AZIN1: variants seen among roughly 807,000 people sequenced by gnomAD.
AZIN1 encodes antizyme inhibitor 1, also known as ornithine decarboxylase antizyme inhibitor.
A neutral mutation model predicts 47.4 loss-of-function variants in AZIN1; 12 were observed. That is an observed-to-expected ratio of 0.25 (90% CI 0.16 to 0.41). The LOEUF (loss-of-function observed/expected upper bound fraction) is 0.41. Ranked by LOEUF, AZIN1 falls within the 10% of genes least tolerant of loss-of-function variation. The pLI is 1.00. For synonymous variants in AZIN1, 155 were observed against 176.3 expected (o/e 0.88, Z 0.96); for missense variants, 410 against 532.4 (o/e 0.77, Z 2.26).
At chr8:102,844,814 A>G (rs2570939) in intron 2 of AZIN1, among the ~76,000 whole-genome samples, 70,206 of 151,928 alleles carry the variant, frequency 0.46, 16,340 homozygotes, top group Admixed American at 0.5. Flanking sequence ...TTTTAAAAAG[A>G]CTTTAGGCTA....
chr8:102,835,561 T>C (rs958984925), intron 6 of AZIN1: 37 of 152,392 alleles, frequency 2.4e-4, no homozygotes, highest in African/African-American at 8.4e-4. Context: ...GGCAGGAAGA[T>C]TGCTTGAGCC....
intron 3 of AZIN1, among the ~76,000 whole-genome samples, chr8:102,841,803 T>TAAAAA (rs1280642913): frequency 1.6e-5 from 2 of 123,002 alleles, no homozygotes; most frequent in African/African-American, 6.4e-5. Context: ...TATATATATA[T>TAAAAA]ATAAAAAAAA....
intron 2 of AZIN1, among the ~76,000 whole-genome samples, chr8:102,856,379 A>G (rs1044803235): frequency 1.3e-5 from 2 of 152,192 alleles, no homozygotes; most frequent in African/African-American, 2.4e-5. Flanking sequence ...TTTAGCTTCT[A>G]TCTGCTCCCA....
intron 1 of AZIN1, among the ~76,000 whole-genome samples, chr8:102,863,278 G>A (rs978475275): frequency 6.6e-6 from 1 of 152,060 alleles, no homozygotes; most frequent in Non-Finnish European, 1.5e-5. Flanking sequence ...GCCGGCGCGG[G>A]GCCCGCCCCG....
intron 9 of AZIN1, among the ~76,000 whole-genome samples, chr8:102,830,862 T>G (rs1811410342): frequency 1.3e-5 from 2 of 152,246 alleles, no homozygotes. Flanking sequence ...TGTGTGTGTG[T>G]AGAGACAGGG....
At chr8:102,838,227 A>T (rs1047444994) in intron 5 of AZIN1, among the ~76,000 whole-genome samples, 1 of 152,256 alleles carries the variant, frequency 6.6e-6, no homozygotes, top group Non-Finnish European at 1.5e-5. Context: ...AGATGCAAGT[A>T]AAAAATTAAA....
In AZIN1 at chr8:102,837,192, T is replaced by G. The variant is rs143021258; in HGVS notation, c.450-802A>C. Reference sequence around the variant, plus strand: ...GCCTCGGCCTCCCCAAGTGCTGGGATTACAGGCATGAGCTACTGCGCCCAA... The same window carrying G: ...GCCTCGGCCTCCCCAAGTGCTGGGAGTACAGGCATGAGCTACTGCGCCCAA... On this transcript the variant is annotated intron_variant, in intron 5 of 11. Coordinates refer to ENST00000337198, the MANE Select transcript of AZIN1 (RefSeq NM_148174.4). Among the ~76,000 whole-genome samples, 709 of 152,340 alleles carry G rather than the reference T, an allele frequency of 4.7e-3. 6 individuals carry two copies. The highest frequency in any genetic ancestry group is 0.016 in the African/African-American group (684 of 41,574).
chr8:102,848,837 A>G (rs1812747402), intron 2 of AZIN1, among the ~76,000 whole-genome samples: 1 of 152,340 alleles, frequency 6.6e-6, no homozygotes, highest in Non-Finnish European at 1.5e-5. Flanking sequence ...GCACTAAGAA[A>G]TATTTTGCCA....
chr8:102,842,328 G>A (rs1232407574), intron 3 of AZIN1, among the ~76,000 whole-genome samples: 1 of 152,176 alleles, frequency 6.6e-6, no homozygotes, highest in Non-Finnish European at 1.5e-5. Flanking sequence ...CCAACACTCT[G>A]GGAGGCTGAG....
intron 6 of AZIN1, 121 bp downstream of exon 6, chr8:102,836,134 TA>T (rs1330218251): frequency 8.9e-7 from 1 of 1,118,428 alleles, no homozygotes; most frequent in African/African-American, 1.6e-5. Context: ...ACATGTGTGT[TA>T]AAAGACTAGA....
chr8:102,854,182 G>A (rs1813113556), intron 2 of AZIN1, among the ~76,000 whole-genome samples: 1 of 151,934 alleles, frequency 6.6e-6, no homozygotes, highest in South Asian at 2.1e-4. Context: ...CAGATGATCT[G>A]CCGGCCTCAG....
At chr8:102,842,717 A>C (rs1372894936) in intron 3 of AZIN1, among the ~76,000 whole-genome samples, 5 of 144,088 alleles carry the variant, frequency 3.5e-5, no homozygotes, top group South Asian at 4.5e-4. Flanking sequence ...AAAAAAAAAA[A>C]CAAAAAACAA....
intron 9 of AZIN1, among the ~76,000 whole-genome samples, chr8:102,831,549 A>G (rs1203852932): frequency 6.6e-6 from 1 of 150,398 alleles, no homozygotes; most frequent in East Asian, 2.0e-4. Flanking sequence ...AGGCTGAGGC[A>G]GGAGAATTGC....
At chr8:102,847,206 TACATTA>T (rs1812618885) in intron 2 of AZIN1, among the ~76,000 whole-genome samples, 1 of 152,076 alleles carries the variant, frequency 6.6e-6, no homozygotes, top group Non-Finnish European at 1.5e-5. Flanking sequence ...ACAGATGTAG[TACATTA>T]ACATTTGTTT....
At position 102,834,728 on chromosome 8, in the gene AZIN1, A is replaced by C; in HGVS notation, c.604T>G (p.Cys202Gly). 6.2e-7 allele frequency: 1 copy of C among 1,611,672 alleles called. No homozygotes were observed. Among genetic ancestry groups the C allele is most frequent in the Non-Finnish European group, 8.5e-7 (1 of 1,178,530 alleles). ...IGVKFHVSSA[C>G]KESQVYVHAL... Reference sequence around the variant, plus strand: ...TGTACATATACTTGAGATTCTTTGCAAGCACTCGAAACATGAAATCTGAAA... The same window carrying C: ...TGTACATATACTTGAGATTCTTTGCCAGCACTCGAAACATGAAATCTGAAA... Residue 202 changes from cysteine to glycine, a missense_variant, in exon 7 of 12, where the codon TGC becomes GGC. Coordinates refer to ENST00000337198, the MANE Select transcript of AZIN1 (RefSeq NM_148174.4).
At chr8:102,861,062 A>T (rs1377322943) in intron 1 of AZIN1, among the ~76,000 whole-genome samples, 1 of 152,252 alleles carries the variant, frequency 6.6e-6, no homozygotes, top group East Asian at 1.9e-4. Flanking sequence ...TCCAAATAAA[A>T]GTCTCGAACG....
At chr8:102,839,609 A>G (rs1346628534) in intron 4 of AZIN1, 41 bp downstream of exon 4, 2 of 1,401,840 alleles carry the variant, frequency 1.4e-6, no homozygotes, top group Non-Finnish European at 1.9e-6. Context: ...AAGTTAAATT[A>G]TTCAATGTTT....
Position 102,843,616 on chromosome 8 carries a change from C to A in AZIN1, c.37G>T (p.Gly13Cys), listed in dbSNP as rs1243321406. The change falls in exon 3 of 12, where the codon GGC (glycine) becomes TGC (cysteine). Residue 13 changes from glycine to cysteine, a missense_variant. Coordinates refer to ENST00000337198, the MANE Select transcript of AZIN1 (RefSeq NM_148174.4). ...AGGTTTGTTCCTTCATCCAACAGGC[C>A]AACGGAGTAGTTTGCATCATCAATA... ...GFIDDANYSV[G>C]LLDEGTNLGN... 3 of 1,613,946 alleles carry A rather than the reference C, an allele frequency of 1.9e-6. No homozygotes were observed. Among genetic ancestry groups the A allele is most frequent in the Non-Finnish European group, 2.5e-6 (3 of 1,179,914 alleles).
intron 2 of AZIN1, among the ~76,000 whole-genome samples, chr8:102,845,457 C>G (rs1387810079): frequency 6.6e-6 from 1 of 152,066 alleles, no homozygotes; most frequent in African/African-American, 2.4e-5. Context: ...CTAAATAGAC[C>G]TAATACCTGT....
Sources: allele counts gnomAD v4.1 joint callset (sites outside exome capture counted in the v4.1 genomes callset), GRCh38; gene constraint gnomAD v4.1.1; transcripts MANE v1.5; gene names NCBI Gene and HGNC (gene_info 2026-07-23, HGNC 2026-07-21).